MB21D2: variants seen among roughly 807,000 people sequenced by gnomAD.
MB21D2 encodes nucleotidyltransferase MB21D2.
MB21D2 carries 9 observed loss-of-function variants against 33.3 expected under a neutral mutation model. The observed-to-expected ratio is 0.27, with a 90% CI of 0.16 to 0.47. MB21D2 has a LOEUF of 0.47. Among genes scored for constraint, MB21D2 ranks in the 20% least tolerant of loss-of-function variants. The pLI, the probability that MB21D2 is intolerant of heterozygous loss-of-function variation, is 0.99. For missense variants in MB21D2, 540 were observed against 624.6 expected, an observed-to-expected ratio of 0.86 and a Z score of 1.44; for synonymous variants, 241 against 236.3, an observed-to-expected ratio of 1.02 and a Z score of -0.18.
chr3:192,878,036 T>C (rs1489603707), intron 1 of MB21D2, among the ~76,000 whole-genome samples: 3 of 149,294 alleles, frequency 2.0e-5, no homozygotes, highest in African/African-American at 7.3e-5. Flanking sequence ...AGCCATATAC[T>C]AGGCAGGAAC....
chr3:192,813,300 ATTT>A lies in MB21D2; in HGVS notation c.212-13653_212-13651del, dbSNP rs59125169. 6.0e-3 allele frequency among the ~76,000 whole-genome samples: 259 copies of A among 43,078 alleles called. 1 individual carries two copies. The highest frequency in any genetic ancestry group is 0.012 in the African/African-American group (203 of 16,416). The allele number at this position is 43,078 out of a possible 152,430, so 28.3% of individuals were successfully genotyped here. A position where few individuals can be genotyped will look rare whatever the true frequency, so the allele number is the denominator to read the frequency against. ...TGTCCGCTTGCACTTACTGCAGTTA[ATTT>A]TTTTTTTTTTTTTTTAATGAACAAA... On this transcript the variant is annotated intron_variant, in intron 1 of 1. Coordinates refer to ENST00000392452, the MANE Select transcript of MB21D2 (RefSeq NM_178496.4).
At chr3:192,850,498 C>T (rs1052742484) in intron 1 of MB21D2, among the ~76,000 whole-genome samples, 6 of 152,130 alleles carry the variant, frequency 3.9e-5, no homozygotes, top group African/African-American at 1.4e-4. Context: ...TGTGGTGAGC[C>T]GGGCAGCATG....
intron 1 of MB21D2, among the ~76,000 whole-genome samples, chr3:192,912,086 A>G (rs1175783333): frequency 6.6e-6 from 1 of 152,220 alleles, no homozygotes; most frequent in East Asian, 1.9e-4. Flanking sequence ...AAAATATGGT[A>G]GGTCCAGGAG....
chr3:192,915,949 C>A (rs932874705), intron 1 of MB21D2, among the ~76,000 whole-genome samples: 2 of 152,024 alleles, frequency 1.3e-5, no homozygotes, highest in Non-Finnish European at 2.9e-5. Context: ...ATTATTTATG[C>A]CACAGAGAAA....
intron 1 of MB21D2, among the ~76,000 whole-genome samples, chr3:192,881,596 A>G (rs542799649): frequency 4.0e-4 from 61 of 152,288 alleles, no homozygotes; most frequent in African/African-American, 1.4e-3. Context: ...TTCTGGGGAA[A>G]GAGCACCCTC....
At chr3:192,820,210 C>A (rs1189516503) in intron 1 of MB21D2, among the ~76,000 whole-genome samples, 1 of 152,062 alleles carries the variant, frequency 6.6e-6, no homozygotes, top group Non-Finnish European at 1.5e-5. Context: ...CAGAAACACA[C>A]AGAGGTGTAT....
chr3:192,879,791 G>A (rs1295767120), intron 1 of MB21D2, among the ~76,000 whole-genome samples: 2 of 152,196 alleles, frequency 1.3e-5, no homozygotes, highest in African/African-American at 4.8e-5. Context: ...TTATTGCAGA[G>A]AATACCCATA....
rs371906581 is a variant in MB21D2, at chr3:192,887,550, G to A, written c.211+30080C>T. On this transcript the variant is annotated intron_variant, in intron 1 of 1. Transcript: ENST00000392452. ...AGATATATTTAGGGATAAATTATAC[G>A]TCTAGGTTTGATCTAAAATAATCCA... is the stretch of plus-strand genomic sequence containing the variant. Among the ~76,000 whole-genome samples, 35 of 152,124 alleles carry A rather than the reference G, an allele frequency of 2.3e-4. 1 individual carries two copies. In the South Asian group the frequency reaches 6.0e-3, roughly 26 times the overall value.
In MB21D2 at chr3:192,856,229, C is replaced by A. The variant is rs188935493; in HGVS notation, c.212-56579G>T. Among the ~76,000 whole-genome samples, 221 of 152,270 alleles carry A rather than the reference C, an allele frequency of 1.5e-3. No homozygotes were observed. The South Asian group carries it at 0.015, about 10-fold the overall frequency. ...GTCTTATTAGAGGTCTGGTTTGAGG[C>A]AGTAACTTACAGTCGCTTGCACACA... On this transcript the variant is annotated intron_variant, in intron 1 of 1. Transcript: ENST00000392452.
At chr3:192,880,610 G>C (rs902997322) in intron 1 of MB21D2, among the ~76,000 whole-genome samples, 1 of 152,124 alleles carries the variant, frequency 6.6e-6, no homozygotes, top group Middle Eastern at 3.4e-3. Context: ...GGCCTAGGGC[G>C]AGCAGCTGTC....
chr3:192,798,361 A>AG lies in MB21D2; in HGVS notation c.*24dup, dbSNP rs1720566525. ...GACACATTATCAGAGTTTAAGAATC[A>AG]GGAAAAAAAAAAGTCAGCTAACACT... On this transcript the variant is annotated 3_prime_UTR_variant, in exon 2 of 2. Coordinates refer to ENST00000392452, the MANE Select transcript of MB21D2 (RefSeq NM_178496.4). The surrounding 1 kb of genome is among the most constrained non-coding windows in gnomAD (Gnocchi z 4.8). The AG allele has an allele frequency of 2.5e-6, 4 of 1,603,194 alleles. No homozygotes were observed. The highest frequency in any genetic ancestry group is 2.7e-5 in the African/African-American group (2 of 74,600).
In MB21D2 at chr3:192,798,636, T is replaced by G. The variant is rs768989640; in HGVS notation, c.1226A>C (p.Glu409Ala). 3.8e-5 allele frequency: 61 copies of G among 1,613,816 alleles called. No homozygotes were observed. In the Admixed American group the frequency reaches 1.0e-3, roughly 27 times the overall value. ...KLSSVRSDPA[E>A]HLRTAIEHVK... The stretch of plus-strand genomic sequence containing the variant: ...ATGCTCAATGGCGGTGCGCAAGTGC[T>G]CTGCCGGGTCTGAGCGCACAGAGGA... Residue 409 changes from glutamate to alanine, a missense_variant, in exon 2 of 2, where the codon GAG becomes GCG. Physicochemically the swap from Glu to Ala is moderately radical, Grantham distance 107. Transcript: ENST00000392452. This position sits in a 1 kb window ranked among gnomAD's most constrained non-coding sequence, Gnocchi z 4.8.
At chr3:192,833,284 G>C (rs1339517805) in intron 1 of MB21D2, among the ~76,000 whole-genome samples, 1 of 152,116 alleles carries the variant, frequency 6.6e-6, no homozygotes, top group Non-Finnish European at 1.5e-5. Context: ...AAAGAGTTAA[G>C]AGACTAAACA....
intron 1 of MB21D2, among the ~76,000 whole-genome samples, chr3:192,886,539 T>TA (rs1189707191): frequency 3.3e-5 from 5 of 152,140 alleles, no homozygotes; most frequent in Non-Finnish European, 7.3e-5. Flanking sequence ...AAGCTACAGA[T>TA]ACAGTTATTC....
At chr3:192,816,500 T>C (rs1253854658) in intron 1 of MB21D2, among the ~76,000 whole-genome samples, 1 of 152,208 alleles carries the variant, frequency 6.6e-6, no homozygotes, top group East Asian at 1.9e-4. Context: ...GTTGCTGGAC[T>C]GGCTGCAACC....
At chr3:192,848,363 C>T (rs1712716318) in intron 1 of MB21D2, among the ~76,000 whole-genome samples, 1 of 152,178 alleles carries the variant, frequency 6.6e-6, no homozygotes, top group African/African-American at 2.4e-5. Flanking sequence ...ACAAATATAA[C>T]ATAAATTTTA....
chr3:192,878,185 C>T (rs866056320), intron 1 of MB21D2, among the ~76,000 whole-genome samples: 13 of 147,684 alleles, frequency 8.8e-5, no homozygotes, highest in Admixed American at 2.0e-4. Flanking sequence ...CTGCAAGCTC[C>T]GCCTCGCGGG....
At chr3:192,846,543 A>G (rs1712683854) in intron 1 of MB21D2, among the ~76,000 whole-genome samples, 1 of 152,180 alleles carries the variant, frequency 6.6e-6, no homozygotes, top group Admixed American at 6.6e-5. Flanking sequence ...GGTCACTAAC[A>G]ACACAGTTCC....
intron 1 of MB21D2, among the ~76,000 whole-genome samples, chr3:192,908,525 A>T (rs1714261154): frequency 6.6e-6 from 1 of 151,664 alleles, no homozygotes; most frequent in Non-Finnish European, 1.5e-5. Flanking sequence ...CAGCCTCCCA[A>T]GTAGCTGAGA....
Sources: allele counts gnomAD v4.1 joint callset (sites outside exome capture counted in the v4.1 genomes callset), GRCh38; gene constraint gnomAD v4.1.1; non-coding constraint Gnocchi (gnomAD v3.1); transcripts MANE v1.5; gene names NCBI Gene and HGNC (gene_info 2026-07-23, HGNC 2026-07-21).